Variants in DLG5 observed in about 807,000 individuals in gnomAD.
DLG5 encodes the protein disks large homolog 5.
In DLG5, 48 loss-of-function variants were observed where a neutral mutation model predicts 189.8. The ratio of observed to expected loss-of-function variants is 0.25; its 90% CI spans 0.20 to 0.32. DLG5 has a LOEUF of 0.32. DLG5 is among the 10% of genes least tolerant of loss of function. The pLI is 1.00. For missense variants in DLG5, 2,160 were observed against 2,544.7 expected, an observed-to-expected ratio of 0.85 and a Z score of 3.25; for synonymous variants, 1,016 against 1,054.1, an observed-to-expected ratio of 0.96 and a Z score of 0.70.
At chr10:77,810,270 T>G (rs1841694303) in intron 23 of DLG5, among the ~76,000 whole-genome samples, 1 of 152,118 alleles carries the variant, frequency 6.6e-6, no homozygotes, top group Non-Finnish European at 1.5e-5. Context: ...GGGACAGCGA[T>G]GGAAACAGAT....
chr10:77,796,353 C>G lies in DLG5; in HGVS notation c.5308+98G>C, dbSNP rs1184759723. 1.3e-5 allele frequency: 20 copies of G among 1,592,788 alleles called. No individual in the cohort carries two copies. Among genetic ancestry groups the G allele is most frequent in the Admixed American group, 5.1e-5 (3 of 58,738 alleles). On this transcript the variant is annotated intron_variant, in intron 28 of 31. Coordinates refer to ENST00000372391, the MANE Select transcript of DLG5 (RefSeq NM_004747.4). This position sits in a 1 kb window ranked among gnomAD's most constrained non-coding sequence, Gnocchi z 5.2. ...CTGGAACACTGTGAAATCTGCCCCCCGGTACTGCCACCCACTGTGCACAGC... is the reference window on the plus strand; with the variant it reads ...CTGGAACACTGTGAAATCTGCCCCCGGGTACTGCCACCCACTGTGCACAGC...
chr10:77,802,772 C>T (rs1458623650), intron 27 of DLG5, among the ~76,000 whole-genome samples: 1 of 152,104 alleles, frequency 6.6e-6, no homozygotes, highest in African/African-American at 2.4e-5. Flanking sequence ...TGGTGACAGG[C>T]ACCTGTAATC....
At chr10:77,917,365 A>G (rs1441920261) in intron 1 of DLG5, among the ~76,000 whole-genome samples, 2 of 151,700 alleles carry the variant, frequency 1.3e-5, no homozygotes, top group Non-Finnish European at 2.9e-5. Context: ...CAAACAAAAA[A>G]AGGAGCTGGG....
chr10:77,817,721 G>T, intron 18 of DLG5, 56 bp downstream of exon 18: 1 of 1,449,962 alleles, frequency 6.9e-7, no homozygotes. Context: ...TAGGATGCAG[G>T]CAGAGATGAA....
At chr10:77,815,988 T>C (rs542437576) in intron 20 of DLG5, 39 of 395,156 alleles carry the variant, frequency 9.9e-5, no homozygotes, top group Non-Finnish European at 2.0e-5. Context: ...ACCTACATTC[T>C]AAAATGAACC....
At chr10:77,855,489 A>G (rs1315071505) in intron 3 of DLG5, among the ~76,000 whole-genome samples, 1 of 152,226 alleles carries the variant, frequency 6.6e-6, no homozygotes, top group Non-Finnish European at 1.5e-5. Flanking sequence ...TGCACACTAC[A>G]TAGTTTCTGT....
intron 7 of DLG5, 69 bp downstream of exon 7, chr10:77,841,812 A>G (rs1277477023): frequency 2.2e-5 from 34 of 1,535,512 alleles, no homozygotes; most frequent in Non-Finnish European, 2.7e-5. Context: ...GACACCACGC[A>G]CTCTGCAGCC....
At chr10:77,867,853 A>G (rs1226318200) in intron 2 of DLG5, 1 of 442,458 alleles carries the variant, frequency 2.3e-6, no homozygotes, top group Non-Finnish European at 4.6e-6. Context: ...ACAGATGATC[A>G]ATTTAAGATG....
chr10:77,915,691 T>A (rs1328469838), intron 1 of DLG5, among the ~76,000 whole-genome samples: 1 of 152,236 alleles, frequency 6.6e-6, no homozygotes, highest in Non-Finnish European at 1.5e-5. Context: ...AGTTAGAAGA[T>A]GTTTCTTTGG....
chr10:77,871,980 C>T (rs1260766132), intron 1 of DLG5, among the ~76,000 whole-genome samples: 1 of 152,162 alleles, frequency 6.6e-6, no homozygotes, highest in Non-Finnish European at 1.5e-5. Context: ...CAACACAATG[C>T]CTATTTTCTA....
At chr10:77,843,336 G>T in intron 6 of DLG5, 111 bp downstream of exon 6, 1 of 1,361,428 alleles carries the variant, frequency 7.3e-7, no homozygotes, top group Non-Finnish European at 1.0e-6. Flanking sequence ...CTGGTCAGAA[G>T]CATTTTTTGA....
chr10:77,805,697 G>A lies in DLG5; in HGVS notation c.5132C>T (p.Ala1711Val). 1 of 1,613,430 alleles carries A rather than the reference G, an allele frequency of 6.2e-7. No individual in the cohort carries two copies. Among genetic ancestry groups the A allele is most frequent in the South Asian group, 1.1e-5 (1 of 91,044 alleles). ...KDGKDLLALDAFSSDSIPLFE... is the reference protein window; with the variant it reads ...KDGKDLLALDVFSSDSIPLFE... ...GAGTGGAATGGAGTCACTGGAAAAG[G>A]CATCCAAGGCGAGCAGGTCTTTCCC... Residue 1711 changes from alanine (A) to valine (V), a missense_variant, in exon 27 of 32, where the codon GCC becomes GTC. Coordinates refer to ENST00000372391, the MANE Select transcript of DLG5 (RefSeq NM_004747.4).
chr10:77,920,012 T>C (rs1235870189), intron 1 of DLG5, among the ~76,000 whole-genome samples: 1 of 152,202 alleles, frequency 6.6e-6, no homozygotes, highest in East Asian at 1.9e-4. Context: ...AACACCTATC[T>C]TGTACTAGGC....
At chr10:77,883,448 A>T (rs560207436) in intron 1 of DLG5, among the ~76,000 whole-genome samples, 1 of 152,282 alleles carries the variant, frequency 6.6e-6, no homozygotes, top group South Asian at 2.1e-4. Context: ...TGACACTCAG[A>T]AACTGGAATG....
chr10:77,792,849 C>A (rs1269105204), intron 31 of DLG5: 1 of 387,666 alleles, frequency 2.6e-6, no homozygotes, highest in Admixed American at 4.1e-5. Flanking sequence ...TGGCGGTGGT[C>A]TAATCATTAG....
At chr10:77,818,126 A>G (rs1343826497) in intron 17 of DLG5, among the ~76,000 whole-genome samples, 3 of 151,630 alleles carry the variant, frequency 2.0e-5, no homozygotes, top group Non-Finnish European at 2.9e-5. Flanking sequence ...TATCATACCC[A>G]CTCCAGCCAT....
chr10:77,793,917 C>A, intron 31 of DLG5, 91 bp downstream of exon 31: 1 of 1,196,184 alleles, frequency 8.4e-7, no homozygotes, highest in South Asian at 1.3e-5. Context: ...GTAGAAAGTG[C>A]GGGCTTCTCC....
chr10:77,824,586 G>A, intron 13 of DLG5, 110 bp from the exon 14 acceptor site: 1 of 837,376 alleles, frequency 1.2e-6, no homozygotes, highest in Non-Finnish European at 1.9e-6. Context: ...CAAATGCAAG[G>A]TGCCAAAGTC....
chr10:77,936,893 T>G, the DLG5 span, among the ~76,000 whole-genome samples: 3 of 152,106 alleles, frequency 2.0e-5, no homozygotes, highest in African/African-American at 7.2e-5. Context: ...AAGTCACAGC[T>G]GGAAAGGATC....
Sources: allele counts gnomAD v4.1 joint callset (sites outside exome capture counted in the v4.1 genomes callset), GRCh38; gene constraint gnomAD v4.1.1; non-coding constraint Gnocchi (gnomAD v3.1); transcripts MANE v1.5; gene names NCBI Gene and HGNC (gene_info 2026-07-23, HGNC 2026-07-21).